The following MYO10 variants were observed in gnomAD, a reference collection of about 807,000 sequenced individuals.
MYO10 encodes unconventional myosin-X.
MYO10 carries 133 observed loss-of-function variants against 257.3 expected under a neutral mutation model. The ratio of observed to expected loss-of-function variants is 0.52; its 90% CI spans 0.45 to 0.60. The LOEUF is 0.60. Among genes scored for constraint, MYO10 ranks in the 20% least tolerant of loss-of-function variants. MYO10 has a pLI of 0.00. For synonymous variants in MYO10, 1,104 were observed against 1,028.6 expected (o/e 1.07, Z -1.40); for missense variants, 2,399 against 2,635.7 (o/e 0.91, Z 1.97).
intron 22 of MYO10, among the ~76,000 whole-genome samples, chr5:16,703,665 G>A (rs754303044): frequency 3.0e-4 from 46 of 152,086 alleles, no homozygotes; most frequent in Middle Eastern, 6.8e-3. Flanking sequence ...GATGGATCAC[G>A]AAGGTCAAGA....
At chr5:16,845,613 T>A (rs1743611909) in intron 2 of MYO10, among the ~76,000 whole-genome samples, 1 of 152,104 alleles carries the variant, frequency 6.6e-6, no homozygotes, top group African/African-American at 2.4e-5. Context: ...GGCACCACTG[T>A]ACTCCAGACT....
intron 19 of MYO10, among the ~76,000 whole-genome samples, chr5:16,714,365 G>C (rs1417772032): frequency 1.3e-5 from 2 of 152,104 alleles, no homozygotes; most frequent in Non-Finnish European, 2.9e-5. Context: ...GGATGGAACA[G>C]AGGGGGAAGG....
At chr5:16,828,469 AG>A (rs1014351387) in intron 2 of MYO10, among the ~76,000 whole-genome samples, 2 of 151,990 alleles carry the variant, frequency 1.3e-5, no homozygotes, top group African/African-American at 4.8e-5. Context: ...AAATAACAAA[AG>A]TTAGCAGGGC....
rs191229040 is a variant in MYO10 at position 16,844,336 on chromosome 5, G to A, written c.121-26169C>T. Among the ~76,000 whole-genome samples the A allele has an allele frequency of 1.8e-3, 274 of 152,084 alleles. 1 individual carries two copies. The highest frequency in any genetic ancestry group is 6.3e-3 in the African/African-American group (262 of 41,450). On this transcript the variant is annotated intron_variant, in intron 2 of 40. Transcript: ENST00000513610. The stretch of plus-strand genomic sequence containing the variant: ...TATTTCACTATCAGGTCCACATCAC[G>A]CATTAACACAGATCTTTAATGATGT...
Position 16,764,316 on chromosome 5 carries a change from C to T in MYO10, c.1260G>A (p.Arg420=). The T allele has an allele frequency of 1.2e-6, 2 of 1,613,962 alleles. No individual in the cohort carries two copies. The highest frequency in any genetic ancestry group is 1.7e-6 in the Non-Finnish European group (2 of 1,179,876). ...ACTTGAAGTCCTCATTGCCTTTGAT[C>T]CTGCTGTTGATCTTCTTGATTACCC... ...FEWVIKKINS[R]IKGNEDFKSI... is the part of the protein sequence containing the mutation. The change falls in exon 12 of 41, where the codon AGG becomes AGA. Residue 420 remains arginine, a synonymous_variant. Coordinates refer to ENST00000513610, the MANE Select transcript of MYO10 (RefSeq NM_012334.3).
At chr5:16,676,876 GATCTT>G (rs919780331) in intron 33 of MYO10, among the ~76,000 whole-genome samples, 19 of 152,236 alleles carry the variant, frequency 1.2e-4, no homozygotes, top group African/African-American at 4.6e-4. Context: ...AAATTAATCT[GATCTT>G]CTGTTATTGA....
chr5:16,701,779 A>G lies in MYO10; in HGVS notation c.2616T>C (p.Ala872=). The G allele has an allele frequency of 6.2e-7, 1 of 1,613,552 alleles. No individual in the cohort carries two copies. Among genetic ancestry groups the G allele is most frequent in the East Asian group, 2.2e-5 (1 of 44,864 alleles). ...LEALQKSQKE[A]ELTRELEKQK... ...GTTTCTCCAGTTCACGGGTCAGTTC[A>G]GCTTCCTTCTGGCTCTTCTGCAAGG... The change falls in exon 25 of 41, where the codon GCT becomes GCC. Residue 872 remains alanine (A), a synonymous_variant. Coordinates refer to ENST00000513610, the MANE Select transcript of MYO10 (RefSeq NM_012334.3). The surrounding 1 kb of genome is among the most constrained non-coding windows in gnomAD (Gnocchi z 8.1).
chr5:16,926,326 G>C (rs2562363), intron 1 of MYO10, among the ~76,000 whole-genome samples: 14 of 151,636 alleles, frequency 9.2e-5, no homozygotes, highest in African/African-American at 2.9e-4. Context: ...AATCTAAATA[G>C]TGCTGTATGA....
Position 16,680,104 on chromosome 5 carries a change from C to G in MYO10, c.4385G>C (p.Gly1462Ala), listed in dbSNP as rs773948996. ...CCCGTACACGGTGACGTTCCAGTAGCCTGCAATGGCAGGGGTGCCCAGCAC... is the reference window on the plus strand; with the variant it reads ...CCCGTACACGGTGACGTTCCAGTAGGCTGCAATGGCAGGGGTGCCCAGCAC... The part of the protein sequence containing the change: ...PPDEKIFKET[G>A]YWNVTVYGRK... Residue 1462 changes from glycine to alanine, a missense_variant and splice_region_variant, in exon 33 of 41, where the codon GGC becomes GCC. Around this residue, in one of 3 missense-constraint regions of MYO10, gnomAD observed 1,820 missense variants for 1,939.4 expected, o/e 0.94. Coordinates refer to ENST00000513610, the MANE Select transcript of MYO10 (RefSeq NM_012334.3). 6.2e-7 allele frequency: 1 copy of G among 1,609,154 alleles called. No individual in the cohort carries two copies. The highest frequency in any genetic ancestry group is 2.2e-5 in the East Asian group (1 of 44,690).
At chr5:16,904,173 C>T (rs937991686) in intron 1 of MYO10, among the ~76,000 whole-genome samples, 1 of 152,200 alleles carries the variant, frequency 6.6e-6, no homozygotes, top group African/African-American at 2.4e-5. Context: ...ACAGAGCTTC[C>T]GGACAGCTGG....
intron 9 of MYO10, among the ~76,000 whole-genome samples, chr5:16,774,626 T>G (rs1451790095): frequency 2.6e-5 from 4 of 152,068 alleles, no homozygotes; most frequent in African/African-American, 9.7e-5. Flanking sequence ...TTTCACTGTG[T>G]TAGCCAGGAT....
intron 32 of MYO10, among the ~76,000 whole-genome samples, chr5:16,680,773 C>T (rs1049507011): frequency 3.3e-5 from 5 of 152,174 alleles, no homozygotes; most frequent in African/African-American, 9.7e-5. Flanking sequence ...TTGCATAGGA[C>T]GCTCATCGTA....
At chr5:16,770,818 G>A (rs899831574) in intron 9 of MYO10, among the ~76,000 whole-genome samples, 2 of 152,172 alleles carry the variant, frequency 1.3e-5, no homozygotes, top group African/African-American at 4.8e-5. Context: ...GCCCAGCCTG[G>A]GGTGCAGTGG....
chr5:16,796,209 A>AG (rs36140535), intron 3 of MYO10, among the ~76,000 whole-genome samples: 55,304 of 117,786 alleles, frequency 0.47, 15,227 homozygotes, highest in South Asian at 0.61. Flanking sequence ...AAAAAGAAAG[A>AG]ACAGAGAGAG....
intron 1 of MYO10, 144 bp from the exon 2 acceptor site, chr5:16,877,851 C>T (rs1744650689): frequency 4.5e-6 from 3 of 669,186 alleles, no homozygotes; most frequent in African/African-American, 1.8e-5. Flanking sequence ...AAGAACAAAT[C>T]TTCGCAAAGC....
At chr5:16,897,303 A>AAAAC (rs1491460558) in intron 1 of MYO10, among the ~76,000 whole-genome samples, 1 of 53,100 alleles carries the variant, frequency 1.9e-5, no homozygotes. Flanking sequence ...TACACTTCGT[A>AAAAC]AAAAAAAAAA....
chr5:16,781,134 C>T (rs1741410253), intron 6 of MYO10, among the ~76,000 whole-genome samples: 2 of 150,718 alleles, frequency 1.3e-5, no homozygotes, highest in African/African-American at 4.9e-5. Context: ...GGCTGGAGTG[C>T]AGTGGCACGA....
intron 37 of MYO10, 106 bp from the exon 38 acceptor site, chr5:16,671,648 G>A (rs1478079607): frequency 6.5e-6 from 9 of 1,387,522 alleles, no homozygotes; most frequent in East Asian, 4.7e-5. Context: ...CAGACATTCT[G>A]TCCGGGCCCA....
chr5:16,916,241 A>G, intron 1 of MYO10: 1 of 437,382 alleles, frequency 2.3e-6, no homozygotes, highest in Non-Finnish European at 4.7e-6. Flanking sequence ...TTTCACCGTC[A>G]ACAGATAGTG....
Sources: gnomAD v4.1 joint callset for allele counts (sites outside exome capture counted in the v4.1 genomes callset) on GRCh38, gnomAD v4.1.1 for gene constraint, gnomAD v4.1.1 regional missense constraint, Gnocchi (gnomAD v3.1) non-coding constraint, MANE v1.5 for transcripts, NCBI Gene and HGNC (gene_info 2026-07-23, HGNC 2026-07-21) for gene names.